TNFRSF9: variants seen among roughly 807,000 people sequenced by gnomAD.
TNFRSF9 encodes the protein tumor necrosis factor receptor superfamily member 9.
Under a neutral mutation model 28.8 loss-of-function variants are expected in TNFRSF9, and 16 were observed. The ratio of observed to expected loss-of-function variants is 0.55; its 90% CI spans 0.38 to 0.84. TNFRSF9 has a LOEUF of 0.84. Among genes scored for constraint, TNFRSF9 ranks in the 40% least tolerant of loss-of-function variants. The pLI, the probability that TNFRSF9 is intolerant of heterozygous loss-of-function variation, is 0.00. For missense variants in TNFRSF9, 303 were observed against 315.0 expected, an observed-to-expected ratio of 0.96 and a Z score of 0.29; for synonymous variants, 131 against 117.0, an observed-to-expected ratio of 1.12 and a Z score of -0.77.
chr1:7,929,049 T>A (rs972457788), intron 7 of TNFRSF9, among the ~76,000 whole-genome samples: 14 of 152,062 alleles, frequency 9.2e-5, no homozygotes, highest in African/African-American at 3.1e-4. Flanking sequence ...CCAAGGCTAC[T>A]GTATCTTAAC....
intron 7 of TNFRSF9, among the ~76,000 whole-genome samples, chr1:7,923,636 T>C (rs922922508): frequency 1.3e-5 from 2 of 152,152 alleles, no homozygotes; most frequent in South Asian, 2.1e-4. Flanking sequence ...CCAGGAGTTC[T>C]AGACCAGCTT....
chr1:7,928,012 T>C (rs1484234911), intron 7 of TNFRSF9, among the ~76,000 whole-genome samples: 1 of 152,108 alleles, frequency 6.6e-6, no homozygotes, highest in East Asian at 1.9e-4. Context: ...GTGAAAGACC[T>C]GAACAACACT....
chr1:7,933,039 C>T (rs1639757500), intron 7 of TNFRSF9, 123 bp downstream of exon 7: 7 of 1,233,890 alleles, frequency 5.7e-6, no homozygotes, highest in Non-Finnish European at 6.7e-6. Flanking sequence ...GAAATTGCCC[C>T]TGCGTGATAG....
At chr1:7,925,912 C>T (rs926924111) in intron 7 of TNFRSF9, among the ~76,000 whole-genome samples, 11 of 152,042 alleles carry the variant, frequency 7.2e-5, no homozygotes, top group African/African-American at 2.2e-4. Context: ...GCTGGGTGGC[C>T]TGGTTTCTAA....
intron 7 of TNFRSF9, among the ~76,000 whole-genome samples, chr1:7,922,325 T>C (rs1401610009): frequency 6.6e-6 from 1 of 152,144 alleles, no homozygotes; most frequent in African/African-American, 2.4e-5. Context: ...AGATGTCATG[T>C]TTTCCGTATT....
chr1:7,923,180 C>T (rs901912148), intron 7 of TNFRSF9, among the ~76,000 whole-genome samples: 5 of 152,040 alleles, frequency 3.3e-5, no homozygotes, highest in Admixed American at 2.0e-4. Flanking sequence ...GGATTACAGG[C>T]GTGAGCCACC....
rs1247721244 is a variant in TNFRSF9 at position 7,938,728 on chromosome 1, C to T, written c.201G>A (p.Gln67=). The change falls in exon 3 of 8, where the codon CAG becomes CAA. Residue 67 remains glutamine (Q), a synonymous_variant. Coordinates refer to ENST00000377507, the MANE Select transcript of TNFRSF9 (RefSeq NM_001561.6). The stretch of plus-strand genomic sequence containing the variant: ...ATATCTTTGAACTCATACCTTTACA[C>T]TGCCTGCATATGTCACAGGTCCTTT... ...GGQRTCDICR[Q]CKGVFRTRKE... 2.5e-6 allele frequency: 4 copies of T among 1,610,674 alleles called. No individual in the cohort carries two copies. The African/African-American group carries it at 4.0e-5, about 16-fold the overall frequency.
chr1:7,930,816 A>C (rs1639723097), intron 7 of TNFRSF9, among the ~76,000 whole-genome samples: 2 of 152,182 alleles, frequency 1.3e-5, no homozygotes, highest in African/African-American at 4.8e-5. Flanking sequence ...GAGAACGCAG[A>C]GGTTTAAACT....
chr1:7,932,417 G>C (rs1167923066), intron 7 of TNFRSF9, among the ~76,000 whole-genome samples: 1 of 152,136 alleles, frequency 6.6e-6, no homozygotes, highest in African/African-American at 2.4e-5. Context: ...CCAGGCACTT[G>C]CTGAGTACCT....
chr1:7,929,508 C>G (rs897112629), intron 7 of TNFRSF9, among the ~76,000 whole-genome samples: 2 of 152,074 alleles, frequency 1.3e-5, no homozygotes, highest in African/African-American at 4.8e-5. Context: ...CTTTACATCC[C>G]TGAATACACC....
rs1639798145 is a variant in TNFRSF9, at chr1:7,935,097, T to G, written c.460A>C (p.Arg154=). The G allele has an allele frequency of 6.2e-7, 1 of 1,614,070 alleles. No homozygotes were observed. ...GGAGATGGTCCACAGACCACGTCCC[T>G]CTCCTTCGTCCCATTCACAAGCACA... The part of the protein sequence containing the change: ...KSVLVNGTKE[R]DVVCGPSPAD... Residue 154 remains arginine, a synonymous_variant, in exon 6 of 8, where the codon AGG becomes CGG. Transcript: ENST00000377507.
intron 7 of TNFRSF9, among the ~76,000 whole-genome samples, chr1:7,925,070 T>C (rs1639624473): frequency 6.6e-6 from 1 of 152,086 alleles, no homozygotes; most frequent in Non-Finnish European, 1.5e-5. Flanking sequence ...TCCCAGCACT[T>C]TGGGAGGCCG....
Position 7,921,000 on chromosome 1 carries a change from G to T in TNFRSF9, c.680-77C>A. On this transcript the variant is annotated intron_variant, in intron 7 of 7. Coordinates refer to ENST00000377507, the MANE Select transcript of TNFRSF9 (RefSeq NM_001561.6). ...TAACACTTATTTTCCATAAATTATA[G>T]CTGCAGAACATCTCTAAGCAGCAAA... is the stretch of plus-strand genomic sequence containing the variant. 2.9e-6 allele frequency: 3 copies of T among 1,038,922 alleles called. No homozygotes were observed. The Admixed American group carries it at 5.5e-5, about 19-fold the overall frequency. 64.4% of individuals were successfully genotyped at this position (1,038,922 alleles called of 1,614,324 possible).
intron 2 of TNFRSF9, among the ~76,000 whole-genome samples, chr1:7,939,184 G>A (rs940879348): frequency 6.6e-6 from 1 of 152,034 alleles, no homozygotes; most frequent in Non-Finnish European, 1.5e-5. Flanking sequence ...GCCAGGCGCA[G>A]TGGTGCACAC....
In TNFRSF9 at chr1:7,921,038, T is replaced by A. The variant is rs1408676770; in HGVS notation, c.680-115A>T. 3.8e-6 allele frequency: 3 copies of A among 783,054 alleles called. No individual in the cohort carries two copies. In the East Asian group the frequency reaches 8.1e-5, roughly 21 times the overall value. 48.5% of individuals were successfully genotyped at this position (783,054 alleles called of 1,614,324 possible). ...TCTAAGCAGCAAACATTCTCCCCTT[T>A]AATTTTAACAAACTCAGCCAGGCGT... is the stretch of plus-strand genomic sequence containing the variant. On this transcript the variant is annotated intron_variant, in intron 7 of 7. Coordinates refer to ENST00000377507, the MANE Select transcript of TNFRSF9 (RefSeq NM_001561.6).
chr1:7,918,296 T>C lies in TNFRSF9; in HGVS notation c.*2539A>G, dbSNP rs1384012275. 1 of 152,164 alleles carries C rather than the reference T, an allele frequency of 6.6e-6. No homozygotes were observed. The highest frequency in any genetic ancestry group is 1.5e-5 in the Non-Finnish European group (1 of 68,034). The allele number at this position is 152,164 out of a possible 1,614,324, so 9.4% of individuals were successfully genotyped here. A position where few individuals can be genotyped will look rare whatever the true frequency, so the allele number is the denominator to read the frequency against. The stretch of plus-strand genomic sequence containing the variant: ...CTACCGTGCCTGGCCACAAAGAAGA[T>C]ATTTTTTAACACATATAACTGACCA... On this transcript the variant is annotated 3_prime_UTR_variant, in exon 8 of 8. Transcript: ENST00000377507.
intron 7 of TNFRSF9, among the ~76,000 whole-genome samples, chr1:7,923,944 T>C (rs2151412346): frequency 6.6e-6 from 1 of 152,258 alleles, no homozygotes; most frequent in East Asian, 1.9e-4. Flanking sequence ...TTAAAATGTA[T>C]AAATGAAGAG....
chr1:7,937,905 GT>G (rs1639844751), intron 4 of TNFRSF9, 149 bp from the exon 5 acceptor site: 2 of 704,748 alleles, frequency 2.8e-6, no homozygotes, highest in Non-Finnish European at 4.6e-6. Context: ...AAGATGGCTA[GT>G]TTTTATTTTA....
rs188933620 is a variant in TNFRSF9, at chr1:7,916,231, A to C, written c.*4604T>G. 7.9e-5 allele frequency: 12 copies of C among 152,378 alleles called. No homozygotes were observed. The highest frequency in any genetic ancestry group is 6.5e-4 in the Admixed American group (10 of 15,304). The allele number at this position is 152,378 out of a possible 1,614,324, so 9.4% of individuals were successfully genotyped here. The stretch of plus-strand genomic sequence containing the variant: ...TAAATGTGCTAATTTATTTTTAATC[A>C]TAGAAATTTACATTTATTTCTATTA... On this transcript the variant is annotated 3_prime_UTR_variant, in exon 8 of 8. Transcript: ENST00000377507.
Sources: gnomAD v4.1 joint callset for allele counts (sites outside exome capture counted in the v4.1 genomes callset) on GRCh38, gnomAD v4.1.1 for gene constraint, MANE v1.5 for transcripts, NCBI Gene and HGNC (gene_info 2026-07-23, HGNC 2026-07-21) for gene names.